Variants in PAX7 observed in about 807,000 individuals in gnomAD.
PAX7 encodes the protein paired box 7.
In PAX7, 18 loss-of-function variants were observed where a neutral mutation model predicts 50.7. That is an observed-to-expected ratio of 0.36 (90% CI 0.25 to 0.53). The LOEUF is 0.53. PAX7 is among the 20% of genes least tolerant of loss of function. The pLI is 0.93. For missense variants in PAX7, 644 were observed against 702.9 expected (o/e 0.92, Z 0.95); for synonymous variants, 310 against 290.4 (o/e 1.07, Z -0.69).
intron 4 of PAX7, among the ~76,000 whole-genome samples, chr1:18,681,732 T>G (rs867727227): frequency 0.012 from 1,716 of 144,264 alleles, 40 homozygotes; most frequent in African/African-American, 0.041. Flanking sequence ...TTTATTTTAT[T>G]TTATTTTATT....
At position 18,646,643 on chromosome 1, in the gene PAX7, C is replaced by T. The variant is rs1047079292; in HGVS notation, c.586+10272C>T. ...CAGTCCCCGCTCGCGCCTCAATGGC[C>T]ACTTTAGAAATACAAACAACTTTAG... On this transcript the variant is annotated intron_variant, in intron 4 of 8. Coordinates refer to ENST00000420770, the MANE Select transcript of PAX7 (RefSeq NM_001135254.2). Among the ~76,000 whole-genome samples the T allele has an allele frequency of 7.2e-5, 11 of 152,114 alleles. No homozygotes were observed. The East Asian group carries it at 9.8e-4, about 13-fold the overall frequency.
intron 7 of PAX7, among the ~76,000 whole-genome samples, chr1:18,708,417 C>T (rs796689718): frequency 1.4e-4 from 21 of 151,974 alleles, no homozygotes; most frequent in African/African-American, 3.6e-4. Flanking sequence ...TAGCCAGATA[C>T]GGTGGGGCGA....
intron 7 of PAX7, among the ~76,000 whole-genome samples, chr1:18,734,021 A>G (rs1047253943): frequency 2.0e-5 from 3 of 152,198 alleles, no homozygotes; most frequent in Non-Finnish European, 4.4e-5. Flanking sequence ...CAGCTGGTAA[A>G]CGGAGGAGCT....
At chr1:18,739,883 G>T (rs566693279) in intron 8 of PAX7, among the ~76,000 whole-genome samples, 1 of 152,282 alleles carries the variant, frequency 6.6e-6, no homozygotes, top group East Asian at 1.9e-4. Flanking sequence ...CAGAGGCCAG[G>T]GCTGTACTAA....
At position 18,688,339 on chromosome 1, in the gene PAX7, A is replaced by T. The variant is rs547225291; in HGVS notation, c.587-3415A>T. ...CGTGGGGCCTGCCCTCTCTTTGTTAAGAAGAGACAACAACTGTGTTAATGA... is the reference window on the plus strand; with the variant it reads ...CGTGGGGCCTGCCCTCTCTTTGTTATGAAGAGACAACAACTGTGTTAATGA... On this transcript the variant is annotated intron_variant, in intron 4 of 8. Transcript: ENST00000420770. Among the ~76,000 whole-genome samples the T allele has an allele frequency of 1.4e-3, 219 of 152,336 alleles. 1 individual carries two copies. The highest frequency in any genetic ancestry group is 4.8e-3 in the African/African-American group (201 of 41,584).
chr1:18,714,766 G>A (rs1470080714), intron 7 of PAX7, among the ~76,000 whole-genome samples: 1 of 152,230 alleles, frequency 6.6e-6, no homozygotes, highest in Non-Finnish European at 1.5e-5. Context: ...CCGCCTCTCA[G>A]TTGTACATCC....
chr1:18,728,694 T>C, intron 7 of PAX7, among the ~76,000 whole-genome samples: 1 of 109,466 alleles, frequency 9.1e-6, no homozygotes, highest in Non-Finnish European at 1.8e-5. Flanking sequence ...AACCCCATTC[T>C]ACTAAAAAAA....
Position 18,735,943 on chromosome 1 carries a change from C to A in PAX7, c.1402+65C>A. On this transcript the variant is annotated intron_variant, in intron 8 of 8. Transcript: ENST00000420770. This position sits in a 1 kb window ranked among gnomAD's most constrained non-coding sequence, Gnocchi z 4.0. ...CTTCTCCCACCCCCAGGGCCTCCTG[C>A]TTGTTTATGGAGAGCTACAAGGTGG... The A allele has an allele frequency of 6.2e-7, 1 of 1,613,922 alleles. No individual in the cohort carries two copies. Among genetic ancestry groups the A allele is most frequent in the Non-Finnish European group, 8.5e-7 (1 of 1,180,016 alleles).
intron 7 of PAX7, among the ~76,000 whole-genome samples, chr1:18,725,989 TGTGTGC>T (rs1435140198): frequency 3.5e-5 from 5 of 143,190 alleles, no homozygotes; most frequent in Admixed American, 2.8e-4. Context: ...AGTGTGTGTG[TGTGTGC>T]GCGCGCGCGC....
intron 7 of PAX7, among the ~76,000 whole-genome samples, chr1:18,727,355 C>CTG (rs1479337766): frequency 8.4e-6 from 1 of 118,860 alleles, no homozygotes; most frequent in African/African-American, 3.5e-5. Context: ...CTCATCCTCT[C>CTG]TCTCTCTCTC....
chr1:18,741,258 G>A (rs1225431755), intron 8 of PAX7, among the ~76,000 whole-genome samples: 1 of 152,088 alleles, frequency 6.6e-6, no homozygotes, highest in Non-Finnish European at 1.5e-5. Context: ...AGACCAGCCT[G>A]GCCAACATGG....
In PAX7 at chr1:18,720,694, T is replaced by C. The variant is rs555815406; in HGVS notation, c.1156-14938T>C. On this transcript the variant is annotated intron_variant, in intron 7 of 8. Transcript: ENST00000420770. ...CTGAAGCATCAAGGAAAAGGAGGGATGGAGAGTGGTGGAGACTGGGGGGAG... is the reference window on the plus strand; with the variant it reads ...CTGAAGCATCAAGGAAAAGGAGGGACGGAGAGTGGTGGAGACTGGGGGGAG... 3.5e-5 allele frequency among the ~76,000 whole-genome samples: 5 copies of C among 143,096 alleles called. No individual in the cohort carries two copies. In the East Asian group the frequency reaches 1.0e-3, roughly 30 times the overall value. The allele number at this position is 143,096 out of a possible 152,430, so 93.9% of individuals were successfully genotyped here. A position where few individuals can be genotyped will look rare whatever the true frequency, so the allele number is the denominator to read the frequency against.
At chr1:18,742,754 G>A (rs796896560) in intron 8 of PAX7, among the ~76,000 whole-genome samples, 4 of 152,344 alleles carry the variant, frequency 2.6e-5, no homozygotes, top group African/African-American at 9.6e-5. Flanking sequence ...CTGGAGCCTG[G>A]TAAGCAGAGG....
Position 18,700,507 on chromosome 1 carries a change from G to T in PAX7, c.787-146G>T. The T allele has an allele frequency of 1.6e-6, 1 of 640,408 alleles. No individual in the cohort carries two copies. The highest frequency in any genetic ancestry group is 2.5e-6 in the Non-Finnish European group (1 of 400,210). The allele number at this position is 640,408 out of a possible 1,614,324, so 39.7% of individuals were successfully genotyped here. ...TACCTATGAAATCACTCTGCAAAGCGTCCTGTGCTGCACAATGCCGGGGCC... is the reference window on the plus strand; with the variant it reads ...TACCTATGAAATCACTCTGCAAAGCTTCCTGTGCTGCACAATGCCGGGGCC... On this transcript the variant is annotated intron_variant, in intron 5 of 8. Coordinates refer to ENST00000420770, the MANE Select transcript of PAX7 (RefSeq NM_001135254.2). The surrounding 1 kb of genome is among the most constrained non-coding windows in gnomAD (Gnocchi z 4.8).
chr1:18,661,314 C>T (rs370490300), intron 4 of PAX7, among the ~76,000 whole-genome samples: 6 of 152,186 alleles, frequency 3.9e-5, no homozygotes, highest in Admixed American at 2.6e-4. Flanking sequence ...GAAATGAATT[C>T]GTCTTTATTT....
At chr1:18,744,473 T>TGGATGATGGATGGGTGGATGAG (rs1931321907) in intron 8 of PAX7, among the ~76,000 whole-genome samples, 1 of 129,970 alleles carries the variant, frequency 7.7e-6, no homozygotes, top group Admixed American at 7.6e-5. Context: ...GATGGATGGA[T>TGGATGATGGATGGGTGGATGAG]GGATGGATAA....
Position 18,634,409 on chromosome 1 carries a change from C to T in PAX7, c.192C>T (p.His64=). 5 of 1,614,226 alleles carry T rather than the reference C, an allele frequency of 3.1e-6. No homozygotes were observed. Among genetic ancestry groups the T allele is most frequent in the Non-Finnish European group, 4.2e-6 (5 of 1,180,046 alleles). ...HIRHKIVEMA[H]HGIRPCVISR... ...GCCACAAGATAGTGGAGATGGCCCA[C>T]CATGGCATCCGGCCCTGTGTCATCT... Residue 64 remains histidine, a synonymous_variant, in exon 2 of 9, where the codon CAC becomes CAT. Transcript: ENST00000420770. This position sits in a 1 kb window ranked among gnomAD's most constrained non-coding sequence, Gnocchi z 4.0.
In PAX7 at chr1:18,636,388, G is replaced by C. The variant is rs1557500728; in HGVS notation, c.586+17G>C. ...GCGACAAAGGTAGGGAACTTCCCTGGGCTGCGAGGCCCCAGCCCGGGTTTT... is the reference window on the plus strand; with the variant it reads ...GCGACAAAGGTAGGGAACTTCCCTGCGCTGCGAGGCCCCAGCCCGGGTTTT... On this transcript the variant is annotated intron_variant, in intron 4 of 8. Transcript: ENST00000420770. The surrounding 1 kb of genome is among the most constrained non-coding windows in gnomAD (Gnocchi z 5.1). 1 of 1,611,596 alleles carries C rather than the reference G, an allele frequency of 6.2e-7. No homozygotes were observed. Among genetic ancestry groups the C allele is most frequent in the Non-Finnish European group, 8.5e-7 (1 of 1,178,142 alleles).
chr1:18,743,668 A>G (rs929511679), intron 8 of PAX7, among the ~76,000 whole-genome samples: 5 of 152,220 alleles, frequency 3.3e-5, no homozygotes, highest in Non-Finnish European at 5.9e-5. Context: ...CAGCCAAATC[A>G]TTTGGTCAGG....
Sources: gnomAD v4.1 joint callset for allele counts (sites outside exome capture counted in the v4.1 genomes callset) on GRCh38, gnomAD v4.1.1 for gene constraint, Gnocchi (gnomAD v3.1) non-coding constraint, MANE v1.5 for transcripts, NCBI Gene and HGNC (gene_info 2026-07-23, HGNC 2026-07-21) for gene names.